The following ELAVL4 variants were observed in gnomAD, a reference collection of about 807,000 sequenced individuals.
ELAVL4 encodes ELAV-like protein 4.
In ELAVL4, 1 loss-of-function variant was observed where a neutral mutation model predicts 35.6. That is an observed-to-expected ratio of 0.03 (90% CI 0.01 to 0.13). ELAVL4 has a LOEUF of 0.13. Ranked by LOEUF, ELAVL4 falls within the 10% of genes least tolerant of loss-of-function variation. The pLI is 1.00. For missense variants in ELAVL4, 267 were observed against 464.9 expected (o/e 0.57, Z 3.91); for synonymous variants, 156 against 171.0 (o/e 0.91, Z 0.69).
intron 5 of ELAVL4, 40 bp downstream of exon 5, chr1:50,195,826 T>C: frequency 6.2e-7 from 1 of 1,608,402 alleles, no homozygotes; most frequent in Non-Finnish European, 8.5e-7. Context: ...GCTACAGGGG[T>C]TCATAGCTGG....
At chr1:50,069,660 T>A (rs1281755227) in intron 1 of ELAVL4, among the ~76,000 whole-genome samples, 5 of 152,326 alleles carry the variant, frequency 3.3e-5, no homozygotes, top group South Asian at 4.1e-4. Context: ...TGAATCAACG[T>A]CTGGGGTTTA....
intron 2 of ELAVL4, among the ~76,000 whole-genome samples, chr1:50,167,774 T>C (rs919081050): frequency 6.6e-6 from 1 of 152,192 alleles, no homozygotes; most frequent in African/African-American, 2.4e-5. Flanking sequence ...ATTAAAATCC[T>C]CCTCTGCTGA....
intron 1 of ELAVL4, among the ~76,000 whole-genome samples, chr1:50,069,319 T>G (rs1277021328): frequency 6.6e-6 from 1 of 152,186 alleles, no homozygotes; most frequent in Non-Finnish European, 1.5e-5. Context: ...TCTGATTACC[T>G]ATAGCATTTG....
At chr1:50,048,631 C>T (rs534534142) in intron 1 of ELAVL4, among the ~76,000 whole-genome samples, 4 of 152,312 alleles carry the variant, frequency 2.6e-5, no homozygotes, top group African/African-American at 4.8e-5. Context: ...ATCAGGGTCC[C>T]GAGGCGCTGG....
intron 2 of ELAVL4, among the ~76,000 whole-genome samples, chr1:50,159,950 G>T (rs1676491537): frequency 6.6e-6 from 1 of 152,308 alleles, no homozygotes; most frequent in South Asian, 2.1e-4. Context: ...AACAGAAAAT[G>T]ATGCCATATG....
At chr1:50,148,760 C>T (rs1056079667) in intron 2 of ELAVL4, among the ~76,000 whole-genome samples, 1 of 152,214 alleles carries the variant, frequency 6.6e-6, no homozygotes, top group African/African-American at 2.4e-5. Flanking sequence ...AACCTAGAAA[C>T]TCAGGCAAAG....
intron 1 of ELAVL4, among the ~76,000 whole-genome samples, chr1:50,122,186 G>C (rs1669149739): frequency 6.6e-6 from 1 of 152,018 alleles, no homozygotes; most frequent in African/African-American, 2.4e-5. Flanking sequence ...AATTTATTCA[G>C]TTCCATGAAA....
intron 1 of ELAVL4, among the ~76,000 whole-genome samples, chr1:50,072,929 C>T (rs1399316503): frequency 5.3e-5 from 8 of 152,142 alleles, no homozygotes; most frequent in African/African-American, 1.9e-4. Flanking sequence ...CTGTTTTCTG[C>T]CAGACTGTAA....
chr1:50,124,579 C>A (rs548004727), intron 1 of ELAVL4, among the ~76,000 whole-genome samples: 1 of 152,126 alleles, frequency 6.6e-6, no homozygotes, highest in Non-Finnish European at 1.5e-5. Context: ...CTTACTCATC[C>A]CTTAAAAGGT....
intron 1 of ELAVL4, among the ~76,000 whole-genome samples, chr1:50,098,795 T>A (rs1280125752): frequency 6.6e-6 from 1 of 152,208 alleles, no homozygotes; most frequent in Non-Finnish European, 1.5e-5. Context: ...ATAGCATGCC[T>A]CTCTTGTTTT....
intron 3 of ELAVL4, among the ~76,000 whole-genome samples, chr1:50,182,487 T>G (rs1049076426): frequency 6.6e-6 from 1 of 152,182 alleles, no homozygotes. Context: ...AAGGACCAAC[T>G]CTAAAGCAGT....
intron 1 of ELAVL4, among the ~76,000 whole-genome samples, chr1:50,070,057 A>G (rs1664440970): frequency 6.6e-6 from 1 of 152,218 alleles, no homozygotes; most frequent in Non-Finnish European, 1.5e-5. Flanking sequence ...TAGCTAGACT[A>G]GCATAGAATT....
At chr1:50,194,964 A>G (rs1220593438) in intron 4 of ELAVL4, among the ~76,000 whole-genome samples, 1 of 152,310 alleles carries the variant, frequency 6.6e-6, no homozygotes, top group East Asian at 1.9e-4. Context: ...TCAATAGGGA[A>G]TTTGGGGCCA....
At chr1:50,094,200 G>A (rs1665616881) in intron 1 of ELAVL4, among the ~76,000 whole-genome samples, 1 of 152,318 alleles carries the variant, frequency 6.6e-6, no homozygotes, top group East Asian at 1.9e-4. Flanking sequence ...TTATGAATCA[G>A]ATATAAGCCC....
chr1:50,144,268 C>T (rs1188581891), intron 1 of ELAVL4, among the ~76,000 whole-genome samples: 1 of 152,006 alleles, frequency 6.6e-6, no homozygotes, highest in Non-Finnish European at 1.5e-5. Context: ...CAGCCTCAGG[C>T]GGTGCTGGAC....
chr1:50,113,789 T>C (rs1667484911), intron 1 of ELAVL4, among the ~76,000 whole-genome samples: 1 of 152,084 alleles, frequency 6.6e-6, no homozygotes, highest in South Asian at 2.1e-4. Context: ...CCATGTAATG[T>C]ATATGTGGAA....
At chr1:50,153,855 G>A (rs1308567795) in intron 2 of ELAVL4, among the ~76,000 whole-genome samples, 3 of 152,226 alleles carry the variant, frequency 2.0e-5, no homozygotes, top group Non-Finnish European at 4.4e-5. Flanking sequence ...AGAAGAGGAA[G>A]AGAGACTGGA....
intron 1 of ELAVL4, among the ~76,000 whole-genome samples, chr1:50,053,524 T>C (rs962758513): frequency 4.6e-5 from 7 of 152,010 alleles, no homozygotes; most frequent in East Asian, 3.9e-4. Flanking sequence ...AATTTTTGCA[T>C]TTTTTTGTAG....
At chr1:50,052,669 C>T (rs1663447177) in intron 1 of ELAVL4, among the ~76,000 whole-genome samples, 2 of 152,128 alleles carry the variant, frequency 1.3e-5, no homozygotes, top group Non-Finnish European at 2.9e-5. Flanking sequence ...AATTTATGGA[C>T]CAAAATTTGC....
Sources: allele counts gnomAD v4.1 joint callset (sites outside exome capture counted in the v4.1 genomes callset), GRCh38; gene constraint gnomAD v4.1.1; transcripts MANE v1.5; gene names NCBI Gene and HGNC (gene_info 2026-07-23, HGNC 2026-07-21).